ABI2: variants seen among roughly 807,000 people sequenced by gnomAD.
ABI2 encodes the protein abelson interactor 2.
ABI2 carries 25 observed loss-of-function variants against 59.2 expected under a neutral mutation model. That is an observed-to-expected ratio of 0.42 (90% CI 0.31 to 0.59). ABI2 has a LOEUF of 0.59. Ranked by LOEUF, ABI2 falls within the 20% of genes least tolerant of loss-of-function variation. The pLI is 0.14. For missense variants in ABI2, 545 were observed against 681.8 expected, an observed-to-expected ratio of 0.80 and a Z score of 2.23; for synonymous variants, 213 against 235.5, an observed-to-expected ratio of 0.90 and a Z score of 0.87.
intron 11 of ABI2, 63 bp downstream of exon 11, chr2:203,417,144 G>A (rs540770537): frequency 2.3e-4 from 315 of 1,358,426 alleles, no homozygotes; most frequent in Non-Finnish European, 2.8e-4. Context: ...TGAAATTTGC[G>A]GTACTGAAGA....
chr2:203,365,831 G>C (rs1157744490), intron 1 of ABI2, among the ~76,000 whole-genome samples: 1 of 151,526 alleles, frequency 6.6e-6, no homozygotes, highest in Non-Finnish European at 1.5e-5. Flanking sequence ...GGGTTTCACC[G>C]TGTTAGCCAG....
At chr2:203,407,672 A>C (rs2097487138) in intron 9 of ABI2, among the ~76,000 whole-genome samples, 1 of 152,206 alleles carries the variant, frequency 6.6e-6, no homozygotes, top group Non-Finnish European at 1.5e-5. Flanking sequence ...TATTGTGAAA[A>C]TTACATAACA....
rs543310136 is a variant in ABI2 at position 203,387,952 on chromosome 2, GT to G, written c.481-3087del. ...TCTCTTAAATACTTCCCTCAAAATAGTTTTTTTAGGATCAATCATGATGGCT... is the reference window on the plus strand; with the variant it reads ...TCTCTTAAATACTTCCCTCAAAATAGTTTTTTAGGATCAATCATGATGGCT... On this transcript the variant is annotated intron_variant, in intron 4 of 11. Transcript: ENST00000261018. Among the ~76,000 whole-genome samples the G allele has an allele frequency of 2.2e-3, 332 of 151,974 alleles. 2 individuals are homozygous for G. The highest frequency in any genetic ancestry group is 7.5e-3 in the African/African-American group (309 of 41,426).
At chr2:203,404,244 G>A (rs1299959326) in intron 9 of ABI2, among the ~76,000 whole-genome samples, 1 of 152,130 alleles carries the variant, frequency 6.6e-6, no homozygotes, top group Non-Finnish European at 1.5e-5. Flanking sequence ...TTTGTTGAAT[G>A]CCAAATGAAT....
intron 7 of ABI2, 22 bp downstream of exon 7, chr2:203,395,802 G>C: frequency 6.4e-7 from 1 of 1,552,760 alleles, no homozygotes; most frequent in Non-Finnish European, 8.7e-7. Flanking sequence ...ATGGTGCCTC[G>C]TCTTCACTTT....
chr2:203,369,998 CTG>C (rs1322013542), intron 2 of ABI2, among the ~76,000 whole-genome samples: 2 of 151,702 alleles, frequency 1.3e-5, no homozygotes, highest in Non-Finnish European at 2.9e-5. Flanking sequence ...ATTCTTCAGA[CTG>C]GAATATTATT....
chr2:203,427,532 A>G lies in ABI2; in HGVS notation c.*180A>G, dbSNP rs1361326424. 7.3e-6 allele frequency: 4 copies of G among 550,702 alleles called. No individual in the cohort carries two copies. Among genetic ancestry groups the G allele is most frequent in the Non-Finnish European group, 1.3e-5 (4 of 314,902 alleles). 34.1% of individuals were successfully genotyped at this position (550,702 alleles called of 1,614,324 possible). A position where few individuals can be genotyped will look rare whatever the true frequency, so the allele number is the denominator to read the frequency against. ...AAGCAAGCTGAGTCTGAACAAATGGATCTTTCTGCCATCATTTGTACAATG... is the reference window on the plus strand; with the variant it reads ...AAGCAAGCTGAGTCTGAACAAATGGGTCTTTCTGCCATCATTTGTACAATG... On this transcript the variant is annotated 3_prime_UTR_variant, in exon 12 of 12. Coordinates refer to ENST00000261018, the MANE Select transcript of ABI2 (RefSeq NM_001375670.1).
chr2:203,358,551 CTT>C (rs960715179), intron 1 of ABI2, among the ~76,000 whole-genome samples: 5 of 152,172 alleles, frequency 3.3e-5, no homozygotes, highest in African/African-American at 7.2e-5. Context: ...AACTCAAACA[CTT>C]TTAGAATTCT....
At chr2:203,338,555 A>T (rs1386936537) in intron 1 of ABI2, among the ~76,000 whole-genome samples, 3 of 151,886 alleles carry the variant, frequency 2.0e-5, no homozygotes, top group Non-Finnish European at 4.4e-5. Context: ...ATTACACCTC[A>T]CCAGAAGTAC....
At position 203,380,320 on chromosome 2, in the gene ABI2, C is replaced by T. The variant is rs770364969; in HGVS notation, c.398C>T (p.Pro133Leu). 4 of 1,607,292 alleles carry T rather than the reference C, an allele frequency of 2.5e-6. No homozygotes were observed. Among genetic ancestry groups the T allele is most frequent in the African/African-American group, 2.7e-5 (2 of 74,556 alleles). The change falls in exon 3 of 12, where the codon CCA becomes CTA. Residue 133 changes from proline (P) to leucine (L), a missense_variant. Transcript: ENST00000261018. ...ATTGCTCCAGCCAACCTTGAACGAC[C>T]AGTTCGTTATATTAGAAAACCTATT... Reference protein sequence around the residue: ...KIIAPANLERPVRYIRKPIDY... With the variant: ...KIIAPANLERLVRYIRKPIDY...
chr2:203,346,168 T>C (rs1208609268), intron 1 of ABI2, among the ~76,000 whole-genome samples: 1 of 151,988 alleles, frequency 6.6e-6, no homozygotes, highest in Non-Finnish European at 1.5e-5. Context: ...AAAAATTGCT[T>C]GTAATTCTAT....
At chr2:203,349,299 C>T (rs1383251936) in intron 1 of ABI2, among the ~76,000 whole-genome samples, 1 of 152,098 alleles carries the variant, frequency 6.6e-6, no homozygotes, top group Non-Finnish European at 1.5e-5. Context: ...AGAATGTTTT[C>T]CTGATTAATC....
intron 1 of ABI2, among the ~76,000 whole-genome samples, chr2:203,349,772 T>C (rs2086464926): frequency 6.6e-6 from 1 of 152,112 alleles, no homozygotes; most frequent in African/African-American, 2.4e-5. Flanking sequence ...ACATTTTGTT[T>C]ACCCATTTGT....
intron 1 of ABI2, among the ~76,000 whole-genome samples, chr2:203,361,537 CTG>C: frequency 6.6e-6 from 1 of 152,028 alleles, no homozygotes; most frequent in African/African-American, 2.4e-5. Flanking sequence ...GGACAGTTTG[CTG>C]CACTGAATTT....
Position 203,417,311 on chromosome 2 carries a change from T to C in ABI2, c.1453+230T>C, listed in dbSNP as rs149617854. ...TTATCTATATTGTTCCTATTGGACA[T>C]GCTTTTTATGAATGGTTTCTATCAG... On this transcript the variant is annotated intron_variant, in intron 11 of 11. Transcript: ENST00000261018. Among the ~76,000 whole-genome samples the C allele has an allele frequency of 2.0e-5, 3 of 152,362 alleles. No individual in the cohort carries two copies. In the East Asian group the frequency reaches 5.8e-4, roughly 29 times the overall value.
intron 2 of ABI2, 40 bp from the exon 3 acceptor site, chr2:203,380,168 C>T: frequency 7.7e-7 from 1 of 1,306,598 alleles, no homozygotes; most frequent in Non-Finnish European, 1.0e-6. Flanking sequence ...GATATTAGAA[C>T]TATACATTTT....
chr2:203,376,187 G>T lies in ABI2; in HGVS notation c.286-4021G>T, dbSNP rs1026035405. ...TATAGATCTTTGGTTCTCAACCAGG[G>T]AAGTTTTGCCCCCAAGGGGACATTT... is the stretch of plus-strand genomic sequence containing the variant. On this transcript the variant is annotated intron_variant, in intron 2 of 11. Coordinates refer to ENST00000261018, the MANE Select transcript of ABI2 (RefSeq NM_001375670.1). 2.4e-5 allele frequency: 33 copies of T among 1,392,488 alleles called. No individual in the cohort carries two copies. The African/African-American group carries it at 2.9e-4, about 12-fold the overall frequency. The allele number at this position is 1,392,488 out of a possible 1,614,324, so 86.3% of individuals were successfully genotyped here.
At chr2:203,376,522 A>G (rs1209460123) in intron 2 of ABI2, among the ~76,000 whole-genome samples, 4 of 152,230 alleles carry the variant, frequency 2.6e-5, no homozygotes, top group African/African-American at 9.6e-5. Flanking sequence ...GAGATTTGAT[A>G]TAAAAAGCAA....
At chr2:203,380,136 CAT>C in intron 2 of ABI2, 70 bp from the exon 3 acceptor site, 1 of 898,126 alleles carries the variant, frequency 1.1e-6, no homozygotes, top group Non-Finnish European at 1.6e-6. Flanking sequence ...AATCTCTAGG[CAT>C]ATATATTTTG....
Sources: gnomAD v4.1 joint callset for allele counts (sites outside exome capture counted in the v4.1 genomes callset) on GRCh38, gnomAD v4.1.1 for gene constraint, MANE v1.5 for transcripts, NCBI Gene and HGNC (gene_info 2026-07-23, HGNC 2026-07-21) for gene names.